Variants in GRIA1 observed in about 807,000 individuals in gnomAD.
The protein encoded by GRIA1 is glutamate receptor 1.
In GRIA1, 31 loss-of-function variants were observed where a neutral mutation model predicts 99.2. The ratio of observed to expected loss-of-function variants is 0.31; its 90% CI spans 0.23 to 0.42. The LOEUF is 0.42. Ranked by LOEUF, GRIA1 falls within the 10% of genes least tolerant of loss-of-function variation. GRIA1 has a pLI of 1.00. For missense variants in GRIA1, 782 were observed against 1,157.5 expected, an observed-to-expected ratio of 0.68 and a Z score of 4.71; for synonymous variants, 438 against 432.4, an observed-to-expected ratio of 1.01 and a Z score of -0.16.
chr5:153,517,761 C>T (rs1373231471), intron 2 of GRIA1, among the ~76,000 whole-genome samples: 3 of 152,202 alleles, frequency 2.0e-5, no homozygotes, highest in Non-Finnish European at 4.4e-5. Context: ...GATCTTTTTC[C>T]CATATCACTA....
intron 2 of GRIA1, among the ~76,000 whole-genome samples, chr5:153,536,285 T>G (rs893678813): frequency 1.3e-5 from 2 of 152,162 alleles, no homozygotes; most frequent in Non-Finnish European, 2.9e-5. Context: ...CTCTCAAGAC[T>G]TTTAATCGTC....
chr5:153,673,215 C>A (rs1162607858), intron 5 of GRIA1, among the ~76,000 whole-genome samples: 1 of 152,172 alleles, frequency 6.6e-6, no homozygotes, highest in Non-Finnish European at 1.5e-5. Context: ...ATCCCCATAG[C>A]TCAGACACAG....
Position 153,770,401 on chromosome 5 carries a change from G to A in GRIA1, c.2256G>A (p.Lys752=), listed in dbSNP as rs764936958. 5 of 1,613,664 alleles carry A rather than the reference G, an allele frequency of 3.1e-6. No homozygotes were observed. Among genetic ancestry groups the A allele is most frequent in the Admixed American group, 1.7e-5 (1 of 59,980 alleles). ...DSKGYGIATP[K]GSALRNPVNL... Reference sequence around the variant, plus strand: ...AAGGCTATGGCATTGCAACACCCAAGGGGTCTGCCCTGAGGTAAGTAGCCA... The same window carrying A: ...AAGGCTATGGCATTGCAACACCCAAAGGGTCTGCCCTGAGGTAAGTAGCCA... The change falls in exon 13 of 16, where the codon AAG becomes AAA. Residue 752 remains lysine (K), a synonymous_variant. Transcript: ENST00000285900.
chr5:153,625,369 C>A (rs200622463), intron 2 of GRIA1, among the ~76,000 whole-genome samples: 2 of 152,176 alleles, frequency 1.3e-5, no homozygotes, highest in Admixed American at 6.5e-5. Context: ...CTCTAAGGAG[C>A]CTTTCTAGCC....
At chr5:153,489,951 G>A (rs558413456), upstream of GRIA1, 8 of 417,646 alleles carry the variant, frequency 1.9e-5, no homozygotes, top group Non-Finnish European at 3.8e-5. Flanking sequence ...ATTGAAAAGA[G>A]ACCACCGTTT....
intron 2 of GRIA1, among the ~76,000 whole-genome samples, chr5:153,588,788 C>T (rs1345785603): frequency 6.6e-6 from 1 of 152,088 alleles, no homozygotes; most frequent in Non-Finnish European, 1.5e-5. Context: ...TATTTACTAG[C>T]TAGTTAGGCA....
intron 2 of GRIA1, among the ~76,000 whole-genome samples, chr5:153,582,428 T>C (rs34777842): frequency 0.029 from 4,487 of 152,240 alleles, 138 homozygotes; most frequent in African/African-American, 0.071. Context: ...AGATATTTGA[T>C]CCATTGGTAG....
intron 2 of GRIA1, among the ~76,000 whole-genome samples, chr5:153,523,427 T>G (rs533893571): frequency 6.6e-6 from 1 of 152,338 alleles, no homozygotes; most frequent in Admixed American, 6.5e-5. Flanking sequence ...TGAAATGATT[T>G]CATTCAGGGC....
chr5:153,755,528 G>C (rs1181690209), intron 11 of GRIA1: 1 of 152,280 alleles, frequency 6.6e-6, no homozygotes, highest in Non-Finnish European at 1.5e-5. Flanking sequence ...TGACGTCCCA[G>C]GAGCAGGGGA....
intron 2 of GRIA1, among the ~76,000 whole-genome samples, chr5:153,552,583 A>G (rs2113549822): frequency 6.6e-6 from 1 of 152,244 alleles, no homozygotes; most frequent in East Asian, 1.9e-4. Context: ...TCTGGGGAGG[A>G]CCAAGCTGTC....
intron 2 of GRIA1, among the ~76,000 whole-genome samples, chr5:153,599,493 GTGTT>G (rs1764708398): frequency 6.6e-6 from 1 of 152,128 alleles, no homozygotes; most frequent in East Asian, 1.9e-4. Flanking sequence ...ACATGGCGTG[GTGTT>G]TGCACATAAC....
chr5:153,683,710 T>C (rs1757145406), intron 7 of GRIA1, among the ~76,000 whole-genome samples: 1 of 152,228 alleles, frequency 6.6e-6, no homozygotes, highest in African/African-American at 2.4e-5. Flanking sequence ...TTTTAGATTT[T>C]ATTTTTCATA....
chr5:153,700,473 G>T (rs1758436358), intron 10 of GRIA1, among the ~76,000 whole-genome samples: 1 of 152,208 alleles, frequency 6.6e-6, no homozygotes, highest in Admixed American at 6.5e-5. Flanking sequence ...AATAAGTAAG[G>T]TGTGAGAGGA....
chr5:153,527,864 G>A (rs1407699882), intron 2 of GRIA1, among the ~76,000 whole-genome samples: 6 of 152,200 alleles, frequency 3.9e-5, no homozygotes, highest in Non-Finnish European at 2.9e-5. Context: ...TGCAAGTGTG[G>A]TGATGACCCA....
At chr5:153,598,802 CTTTT>C (rs10550235) in intron 2 of GRIA1, among the ~76,000 whole-genome samples, 99,342 of 151,542 alleles carry the variant, frequency 0.66, 34,301 homozygotes, top group East Asian at 0.92. Context: ...ACCACGGCAG[CTTTT>C]TTTTCTCACT....
chr5:153,570,973 T>C (rs1762063416), intron 2 of GRIA1, among the ~76,000 whole-genome samples: 1 of 152,160 alleles, frequency 6.6e-6, no homozygotes, highest in African/African-American at 2.4e-5. Flanking sequence ...TCCATTTGTA[T>C]CTGATTGAGA....
intron 2 of GRIA1, among the ~76,000 whole-genome samples, chr5:153,525,838 G>C (rs1256171508): frequency 6.6e-6 from 1 of 152,122 alleles, no homozygotes; most frequent in Non-Finnish European, 1.5e-5. Flanking sequence ...GGCTTGGTTG[G>C]AACACACTCC....
chr5:153,774,723 G>A (rs1454439494), intron 13 of GRIA1, among the ~76,000 whole-genome samples: 1 of 152,206 alleles, frequency 6.6e-6, no homozygotes. Flanking sequence ...AGATCACCCA[G>A]TTATGCTTCA....
intron 11 of GRIA1, among the ~76,000 whole-genome samples, chr5:153,707,821 G>T (rs1481537809): frequency 6.6e-6 from 1 of 151,992 alleles, no homozygotes; most frequent in East Asian, 1.9e-4. Flanking sequence ...AAGACAGTGG[G>T]GGGTGGGGGG....
Sources: gnomAD v4.1 joint callset for allele counts (sites outside exome capture counted in the v4.1 genomes callset) on GRCh38, gnomAD v4.1.1 for gene constraint, MANE v1.5 for transcripts, NCBI Gene and HGNC (gene_info 2026-07-23, HGNC 2026-07-21) for gene names.